Variants in LINGO2 observed in about 807,000 individuals in gnomAD.
LINGO2 encodes leucine-rich repeat and immunoglobulin-like domain-containing nogo receptor-interacting protein 2.
A neutral mutation model predicts 30.6 loss-of-function variants in LINGO2; 14 were observed. The observed-to-expected ratio is 0.46, with a 90% CI of 0.30 to 0.72. The LOEUF (loss-of-function observed/expected upper bound fraction) is 0.72, where lower values mean the gene tolerates loss of function less well. Ranked by LOEUF, LINGO2 falls within the 30% of genes least tolerant of loss-of-function variation. The pLI is 0.07. For missense variants in LINGO2, 729 were observed against 751.7 expected (o/e 0.97, Z 0.35); for synonymous variants, 317 against 288.5 (o/e 1.10, Z -1.00).
At chr9:29,156,863 A>C in the LINGO2 span, among the ~76,000 whole-genome samples, 1 of 152,096 alleles carries the variant, frequency 6.6e-6, no homozygotes, top group African/African-American at 2.4e-5. Context: ...GTATCACTTA[A>C]TGTACCTTAG....
At chr9:28,376,323 T>C (rs1240966720) in intron 2 of LINGO2, among the ~76,000 whole-genome samples, 7 of 152,152 alleles carry the variant, frequency 4.6e-5, no homozygotes, top group Admixed American at 2.0e-4. Context: ...TGAGCTTGAA[T>C]AGCAGGGGCC....
chr9:28,430,097 C>A (rs922409750), intron 2 of LINGO2, among the ~76,000 whole-genome samples: 1 of 47,154 alleles, frequency 2.1e-5, no homozygotes, highest in Non-Finnish European at 5.0e-5. Flanking sequence ...CTGATTTCCA[C>A]GCGCGCGCGC....
chr9:28,249,130 C>A (rs7031955), intron 4 of LINGO2, among the ~76,000 whole-genome samples: 1 of 151,496 alleles, frequency 6.6e-6, no homozygotes, highest in Non-Finnish European at 1.5e-5. Flanking sequence ...AAATAAGAAG[C>A]GAAGTATTAT....
chr9:28,550,410 G>A (rs557355757), intron 1 of LINGO2, among the ~76,000 whole-genome samples: 1 of 151,692 alleles, frequency 6.6e-6, no homozygotes, highest in South Asian at 2.1e-4. Context: ...AATTAACTGA[G>A]TTTTATTTTC....
chr9:29,129,722 T>C, the LINGO2 span, among the ~76,000 whole-genome samples: 1 of 152,164 alleles, frequency 6.6e-6, no homozygotes, highest in Middle Eastern at 3.4e-3. Flanking sequence ...GGGTTATTTA[T>C]GAAACAAAGT....
chr9:28,549,547 T>C (rs1472866294), intron 1 of LINGO2, among the ~76,000 whole-genome samples: 1 of 152,010 alleles, frequency 6.6e-6, no homozygotes, highest in Non-Finnish European at 1.5e-5. Flanking sequence ...TTCTCCAGAA[T>C]AGTTGTACCA....
At chr9:28,721,266 C>A in the LINGO2 span, among the ~76,000 whole-genome samples, 38 of 152,180 alleles carry the variant, frequency 2.5e-4, no homozygotes, top group African/African-American at 8.9e-4. Flanking sequence ...CCTCAAGGAT[C>A]TAGAACCAGA....
chr9:28,477,647 A>C (rs1825782443), intron 1 of LINGO2, among the ~76,000 whole-genome samples: 1 of 152,140 alleles, frequency 6.6e-6, no homozygotes, highest in African/African-American at 2.4e-5. Flanking sequence ...CATATAATTC[A>C]CTTCAATACT....
rs569768175 is a variant in LINGO2 at position 27,986,815 on chromosome 9, G to A, written c.-36+25540C>T. The stretch of plus-strand genomic sequence containing the variant: ...ATAATGCTTAAGACTGGCCAAACGA[G>A]CTGGAGAAGGGTGGGTTATACAGAA... On this transcript the variant is annotated intron_variant, in intron 5 of 5. Transcript: ENST00000379992. Among the ~76,000 whole-genome samples the A allele has an allele frequency of 7.2e-5, 11 of 151,986 alleles. No homozygotes were observed. In the South Asian group the frequency reaches 1.9e-3, roughly 26 times the overall value.
chr9:28,689,696 C>A, the LINGO2 span, among the ~76,000 whole-genome samples: 3 of 152,064 alleles, frequency 2.0e-5, no homozygotes, highest in Non-Finnish European at 2.9e-5. Flanking sequence ...CCCAGCAATC[C>A]CATTACTGGG....
At chr9:29,160,654 G>A in the LINGO2 span, among the ~76,000 whole-genome samples, 1 of 152,124 alleles carries the variant, frequency 6.6e-6, no homozygotes, top group African/African-American at 2.4e-5. Context: ...ATATAGATTT[G>A]ATTATTTAAA....
At chr9:28,928,526 T>C in the LINGO2 span, among the ~76,000 whole-genome samples, 1 of 152,080 alleles carries the variant, frequency 6.6e-6, no homozygotes, top group African/African-American at 2.4e-5. Flanking sequence ...AGCTACACAG[T>C]TTTAGAGGTT....
chr9:28,928,559 A>T, the LINGO2 span, among the ~76,000 whole-genome samples: 122 of 152,226 alleles, frequency 8.0e-4, 1 homozygote, highest in Middle Eastern at 3.4e-3. Context: ...CTGAGGTTCC[A>T]CTCAGGCACT....
chr9:28,882,972 T>C, the LINGO2 span, among the ~76,000 whole-genome samples: 5 of 152,212 alleles, frequency 3.3e-5, no homozygotes, highest in South Asian at 4.1e-4. Flanking sequence ...ACTGTAGTGA[T>C]CTTTAAAATA....
chr9:29,177,661 A>T, the LINGO2 span, among the ~76,000 whole-genome samples: 1 of 152,174 alleles, frequency 6.6e-6, no homozygotes, highest in African/African-American at 2.4e-5. Flanking sequence ...TTTCTTTTCC[A>T]CTAATCATGA....
At chr9:28,388,414 A>G (rs1227649733) in intron 2 of LINGO2, among the ~76,000 whole-genome samples, 2 of 152,196 alleles carry the variant, frequency 1.3e-5, no homozygotes, top group African/African-American at 2.4e-5. Context: ...CCTGGGACAC[A>G]TAAGTGTCCC....
intron 4 of LINGO2, among the ~76,000 whole-genome samples, chr9:28,289,131 G>T (rs1043107040): frequency 2.0e-5 from 3 of 152,026 alleles, no homozygotes; most frequent in Non-Finnish European, 4.4e-5. Flanking sequence ...AGGACATCTT[G>T]ACACTCTTTC....
intron 1 of LINGO2, among the ~76,000 whole-genome samples, chr9:28,481,706 C>A (rs1314786716): frequency 6.6e-6 from 1 of 152,036 alleles, no homozygotes; most frequent in Non-Finnish European, 1.5e-5. Context: ...ATGTGCATTG[C>A]TGGTGCGCTG....
the LINGO2 span, among the ~76,000 whole-genome samples, chr9:28,992,722 A>G: frequency 5.9e-5 from 9 of 152,142 alleles, no homozygotes; most frequent in South Asian, 1.2e-3. Context: ...ACTCAAAACC[A>G]CTCAACTACA....
Sources: allele counts gnomAD v4.1 joint callset (sites outside exome capture counted in the v4.1 genomes callset), GRCh38; gene constraint gnomAD v4.1.1; transcripts MANE v1.5; gene names NCBI Gene and HGNC (gene_info 2026-07-23, HGNC 2026-07-21).